CSF2RA: variants seen among roughly 807,000 people sequenced by gnomAD.
CSF2RA encodes colony stimulating factor 2 receptor subunit alpha, also known as granulocyte-macrophage colony-stimulating factor receptor subunit alpha.
Under a neutral mutation model 51.6 loss-of-function variants are expected in CSF2RA, and 42 were observed. The observed-to-expected ratio is 0.81, with a 90% CI of 0.64 to 1.05. The LOEUF (loss-of-function observed/expected upper bound fraction) is 1.05, where lower values mean the gene tolerates loss of function less well. Among genes scored for constraint, CSF2RA ranks in the 50% least tolerant of loss-of-function variants. CSF2RA has a pLI of 0.00. For missense variants in CSF2RA, 530 were observed against 501.1 expected, an observed-to-expected ratio of 1.06 and a Z score of -0.55; for synonymous variants, 222 against 193.0, an observed-to-expected ratio of 1.15 and a Z score of -1.24.
At chrX:1,297,660 T>G (rs375460300) in intron 9 of CSF2RA, among the ~76,000 whole-genome samples, 5 of 29,966 alleles carry the variant, frequency 1.7e-4, no homozygotes, top group Admixed American at 4.8e-4. Context: ...ACCCCTGGAG[T>G]AACCCTACAG....
intron 1 of CSF2RA, among the ~76,000 whole-genome samples, chrX:1,272,825 C>T (rs867034749): frequency 2.3e-5 from 3 of 131,458 alleles, no homozygotes; most frequent in Non-Finnish European, 4.9e-5. Flanking sequence ...TTCTTTTTTT[C>T]TTTTTTTTTT....
chrX:1,298,865 G>T (rs1569508062), intron 9 of CSF2RA, among the ~76,000 whole-genome samples: 1 of 152,060 alleles, frequency 6.6e-6, no homozygotes, highest in East Asian at 1.9e-4. Context: ...AGACAAGAAG[G>T]AGAGCCTGCC....
the CSF2RA span, among the ~76,000 whole-genome samples, chrX:1,316,570 G>A: frequency 1.4e-4 from 22 of 152,318 alleles, no homozygotes; most frequent in Admixed American, 2.6e-4. Flanking sequence ...TCTAACAAGC[G>A]ACAGGAGAAA....
chrX:1,302,386 G>A (rs1490257559), intron 10 of CSF2RA, among the ~76,000 whole-genome samples: 2 of 152,292 alleles, frequency 1.3e-5, no homozygotes, highest in Admixed American at 6.5e-5. Flanking sequence ...GAGCTGCAGT[G>A]CAGTGGTGCA....
At chrX:1,308,997 G>A (rs1460731814) in intron 12 of CSF2RA, among the ~76,000 whole-genome samples, 3 of 152,190 alleles carry the variant, frequency 2.0e-5, no homozygotes, top group Admixed American at 1.3e-4. Context: ...GGAGGCCGAG[G>A]CGAGTGGATC....
chrX:1,312,178 A>T (rs1335031008), downstream of CSF2RA, among the ~76,000 whole-genome samples: 1 of 152,198 alleles, frequency 6.6e-6, no homozygotes, highest in African/African-American at 2.4e-5. Flanking sequence ...ACCACAGGTG[A>T]TCCACCTGCC....
Position 1,309,522 on chromosome X carries a change from C to G in CSF2RA, c.*43C>G. Reference sequence around the variant, plus strand: ...AATGGCATGGACATCTCCGCCTCCGCGACACGGGGGAACTGTTTTCTTGAT... The same window carrying G: ...AATGGCATGGACATCTCCGCCTCCGGGACACGGGGGAACTGTTTTCTTGAT... On this transcript the variant is annotated 3_prime_UTR_variant, in exon 13 of 13. Coordinates refer to ENST00000381529, the MANE Select transcript of CSF2RA (RefSeq NM_172245.4). 1 of 1,613,944 alleles carries G rather than the reference C, an allele frequency of 6.2e-7. No homozygotes were observed. The highest frequency in any genetic ancestry group is 1.1e-5 in the South Asian group (1 of 91,080).
At chrX:1,324,788 TG>T in the CSF2RA span, among the ~76,000 whole-genome samples, 1 of 151,944 alleles carries the variant, frequency 6.6e-6, no homozygotes, top group Non-Finnish European at 1.5e-5. Flanking sequence ...CAGGGAAAGC[TG>T]TCAGCAGCTT....
chrX:1,278,129 T>C (rs2089439924), intron 2 of CSF2RA, among the ~76,000 whole-genome samples: 1 of 144,264 alleles, frequency 6.9e-6, no homozygotes, highest in African/African-American at 2.6e-5. Context: ...AGGTCAGGAG[T>C]TCGAGACCAG....
Position 1,287,867 on chromosome X carries a change from G to C in CSF2RA, c.220-652G>C, listed in dbSNP as rs1290484861. ...GTCTCCTGCCTCAGCCTCCCGAGTA[G>C]CAGGGATTACAGGTGCCTGCCACCA... is the stretch of plus-strand genomic sequence containing the variant. On this transcript the variant is annotated intron_variant, in intron 4 of 12. Transcript: ENST00000381529. Among the ~76,000 whole-genome samples, 5 of 138,030 alleles carry C rather than the reference G, an allele frequency of 3.6e-5. 1 individual carries two copies. The highest frequency in any genetic ancestry group is 1.4e-4 in the African/African-American group (5 of 36,460). The allele number at this position is 138,030 out of a possible 152,430, so 90.6% of individuals were successfully genotyped here. A position where few individuals can be genotyped will look rare whatever the true frequency, so the allele number is the denominator to read the frequency against.
At position 1,282,678 on chromosome X, in the gene CSF2RA, C is replaced by G. The variant is rs1405509210; in HGVS notation, c.-26C>G. The G allele has an allele frequency of 5.6e-6, 9 of 1,598,118 alleles. No individual in the cohort carries two copies. Among genetic ancestry groups the G allele is most frequent in the Non-Finnish European group, 6.9e-6 (8 of 1,165,564 alleles). ...CTGTGTGATATTTTCTCTCCTGCAG[C>G]TCTTCCCTTCTCTCTGACCAGCACC... On this transcript the variant is annotated splice_region_variant and 5_prime_UTR_variant, in exon 3 of 13. Transcript: ENST00000381529.
intron 8 of CSF2RA, 81 bp from the exon 9 acceptor site, chrX:1,295,346 G>A: frequency 6.3e-7 from 1 of 1,576,006 alleles, no homozygotes; most frequent in Admixed American, 1.7e-5. Flanking sequence ...GCCCACACCA[G>A]GGGAGACACT....
intron 6 of CSF2RA, among the ~76,000 whole-genome samples, chrX:1,289,891 TTTG>T (rs1358077160): frequency 9.9e-6 from 1 of 101,318 alleles, no homozygotes; most frequent in Non-Finnish European, 2.2e-5. Flanking sequence ...TGTGTTTTGT[TTTG>T]TTTTGTGTTT....
At chrX:1,300,981 C>T (rs1426922805) in intron 10 of CSF2RA, among the ~76,000 whole-genome samples, 1 of 151,794 alleles carries the variant, frequency 6.6e-6, no homozygotes, top group Admixed American at 6.6e-5. Context: ...TGGTGAAACC[C>T]CGTCTCTACT....
chrX:1,316,114 T>G, the CSF2RA span, among the ~76,000 whole-genome samples: 1 of 134,602 alleles, frequency 7.4e-6, no homozygotes, highest in Admixed American at 7.6e-5. Context: ...CATAGATACA[T>G]AGATACATAG....
chrX:1,286,444 C>T (rs1193653635), intron 4 of CSF2RA, among the ~76,000 whole-genome samples: 1 of 148,440 alleles, frequency 6.7e-6, no homozygotes, highest in Non-Finnish European at 1.5e-5. Flanking sequence ...TGGCAGGCAT[C>T]TGTAATCCCA....
downstream of CSF2RA, among the ~76,000 whole-genome samples, chrX:1,314,894 G>T (rs1484672320): frequency 1.7e-4 from 15 of 87,916 alleles, 3 homozygotes; most frequent in African/African-American, 5.6e-4. Context: ...CAACCACACT[G>T]AACCTGCTCA....
intron 12 of CSF2RA, among the ~76,000 whole-genome samples, chrX:1,308,733 C>T (rs1403570125): frequency 6.6e-6 from 1 of 152,126 alleles, no homozygotes; most frequent in Non-Finnish European, 1.5e-5. Context: ...TTCCACTGAC[C>T]CCCAGGGGTC....
chrX:1,276,234 A>G (rs1164350103), intron 2 of CSF2RA, among the ~76,000 whole-genome samples: 28 of 151,610 alleles, frequency 1.8e-4, no homozygotes, highest in African/African-American at 6.3e-4. Flanking sequence ...GGGTTTCACT[A>G]TGTTGGCCAG....
Sources: allele counts gnomAD v4.1 joint callset (sites outside exome capture counted in the v4.1 genomes callset), GRCh38; gene constraint gnomAD v4.1.1; transcripts MANE v1.5; gene names NCBI Gene and HGNC (gene_info 2026-07-23, HGNC 2026-07-21).